Variants in MLKL observed in about 807,000 individuals in gnomAD.
MLKL encodes mixed lineage kinase domain like pseudokinase.
Under a neutral mutation model 56.5 loss-of-function variants are expected in MLKL, and 55 were observed. The ratio of observed to expected loss-of-function variants is 0.97; its 90% CI spans 0.78 to 1.22. The LOEUF (loss-of-function observed/expected upper bound fraction) is 1.22, where lower values mean the gene tolerates loss of function less well. MLKL is among the 50% of genes most tolerant of loss of function. The pLI is 0.00. For synonymous variants in MLKL, 251 were observed against 208.3 expected, an observed-to-expected ratio of 1.20 and a Z score of -1.76; for missense variants, 694 against 573.9, an observed-to-expected ratio of 1.21 and a Z score of -2.14.
At position 74,692,850 on chromosome 16, in the gene MLKL, T is replaced by C. The variant is rs529491782; in HGVS notation, c.461-434A>G. Reference sequence around the variant, plus strand: ...GTTTCTTTAGAACACTGAGTTGTTGTTTTTTAAACCACAGCATAATCAAAT... The same window carrying C: ...GTTTCTTTAGAACACTGAGTTGTTGCTTTTTAAACCACAGCATAATCAAAT... On this transcript the variant is annotated intron_variant, in intron 2 of 10. Transcript: ENST00000308807. Among the ~76,000 whole-genome samples the C allele has an allele frequency of 4.6e-5, 7 of 152,364 alleles. No individual in the cohort carries two copies. In the East Asian group the frequency reaches 1.3e-3, roughly 29 times the overall value.
intron 4 of MLKL, among the ~76,000 whole-genome samples, chr16:74,687,091 T>C (rs549511491): frequency 2.3e-4 from 35 of 152,260 alleles, no homozygotes; most frequent in Admixed American, 2.0e-4. Flanking sequence ...TTCTCCTGCC[T>C]CAGCCTCCCG....
At chr16:74,692,456 T>C in intron 2 of MLKL, 40 bp from the exon 3 acceptor site, 1 of 1,514,278 alleles carries the variant, frequency 6.6e-7, no homozygotes, top group Non-Finnish European at 9.0e-7. Context: ...AAATAGATAT[T>C]AAAATCACAC....
chr16:74,681,824 C>G (rs149855701), intron 6 of MLKL, among the ~76,000 whole-genome samples: 358 of 151,940 alleles, frequency 2.4e-3, no homozygotes, highest in African/African-American at 8.1e-3. Flanking sequence ...GAAAAAAACA[C>G]AAGACACTCC....
chr16:74,693,463 A>AAAAAG (rs749136044), intron 2 of MLKL, among the ~76,000 whole-genome samples: 2,862 of 100,644 alleles, frequency 0.028, 52 homozygotes, highest in Middle Eastern at 0.05. Flanking sequence ...CAAAAAAAAA[A>AAAAAG]AAAAAGAAAA....
At position 74,675,090 on chromosome 16, in the gene MLKL, A is replaced by T; in HGVS notation, c.1251T>A (p.Ser417=). The T allele has an allele frequency of 2.5e-6, 4 of 1,614,114 alleles. No individual in the cohort carries two copies. Among genetic ancestry groups the T allele is most frequent in the Non-Finnish European group, 1.7e-6 (2 of 1,180,026 alleles). ...TGDIPFQGCN[S]EKIRKLVAVK... ...CAGCCACCAGCTTGCGGATCTTCTC[A>T]GAATTACAGCCTGGAAATGATAGCA... The change falls in exon 10 of 11, where the codon TCT becomes TCA. Residue 417 remains serine, a synonymous_variant. Coordinates refer to ENST00000308807, the MANE Select transcript of MLKL (RefSeq NM_152649.4).
chr16:74,695,510 G>T lies in MLKL; in HGVS notation c.248C>A (p.Ser83Tyr). 6.2e-7 allele frequency: 1 copy of T among 1,614,158 alleles called. No homozygotes were observed. The highest frequency in any genetic ancestry group is 8.5e-7 in the Non-Finnish European group (1 of 1,180,038). ...NGEIEKFSNRSNICRFLTASQ... is the reference protein window; with the variant it reads ...NGEIEKFSNRYNICRFLTASQ... ...TGCTGTTAGAAACCTGCAGATATTG[G>T]ATCTATTGCTGAACTTTTCTATCTC... is the stretch of plus-strand genomic sequence containing the variant. The change falls in exon 2 of 11, where the codon TCC (serine) becomes TAC (tyrosine). Residue 83 changes from serine (S) to tyrosine (Y), a missense_variant. Ser to Tyr is a moderately radical substitution (Grantham distance 144, BLOSUM62 -2). Transcript: ENST00000308807.
chr16:74,695,221 C>T (rs1467442516), intron 2 of MLKL, 77 bp downstream of exon 2: 2 of 1,435,726 alleles, frequency 1.4e-6, no homozygotes, highest in Non-Finnish European at 1.9e-6. Flanking sequence ...TTCATCATTG[C>T]TGCTCCTTTG....
intron 6 of MLKL, among the ~76,000 whole-genome samples, chr16:74,682,251 A>C (rs1960024584): frequency 6.6e-6 from 1 of 152,226 alleles, no homozygotes; most frequent in Non-Finnish European, 1.5e-5. Context: ...CTGTCTCAAA[A>C]CATAAAATAA....
At chr16:74,697,179 C>T (rs892527411) in intron 1 of MLKL, among the ~76,000 whole-genome samples, 12 of 151,640 alleles carry the variant, frequency 7.9e-5, no homozygotes, top group African/African-American at 2.9e-4. Flanking sequence ...CTACTCTTAA[C>T]CTCTCTCTCT....
intron 4 of MLKL, among the ~76,000 whole-genome samples, chr16:74,690,690 G>A (rs8057864): frequency 0.16 from 24,354 of 148,948 alleles, 2,705 homozygotes; most frequent in East Asian, 0.44. Flanking sequence ...GCTGAGGTGT[G>A]AGGATTGCTG....
chr16:74,688,429 G>A (rs115695834), intron 4 of MLKL, among the ~76,000 whole-genome samples: 121 of 152,148 alleles, frequency 8.0e-4, no homozygotes, highest in African/African-American at 2.7e-3. Flanking sequence ...GAAAACACAG[G>A]AGGGCCAGGT....
At chr16:74,687,800 C>T (rs140932905) in intron 4 of MLKL, among the ~76,000 whole-genome samples, 45 of 152,090 alleles carry the variant, frequency 3.0e-4, no homozygotes, top group African/African-American at 1.0e-3. Context: ...TCCCAAGTAG[C>T]TGGGACTACA....
In MLKL at chr16:74,687,092, C is replaced by G. The variant is rs1960376465; in HGVS notation, c.723-1509G>C. ...CTGGGTTCAAGCAATTCTCCTGCCT[C>G]AGCCTCCCGAATAGCTGGGATTACA... On this transcript the variant is annotated intron_variant, in intron 4 of 10. Coordinates refer to ENST00000308807, the MANE Select transcript of MLKL (RefSeq NM_152649.4). 2.0e-5 allele frequency among the ~76,000 whole-genome samples: 3 copies of G among 152,130 alleles called. No homozygotes were observed. The South Asian group carries it at 6.2e-4, about 32-fold the overall frequency.
At chr16:74,680,361 T>A (rs374499507) in intron 6 of MLKL, among the ~76,000 whole-genome samples, 6 of 152,286 alleles carry the variant, frequency 3.9e-5, no homozygotes, top group African/African-American at 1.4e-4. Context: ...GCTAAGACAG[T>A]GTTTCCAAAA....
intron 9 of MLKL, 121 bp from the exon 10 acceptor site, chr16:74,675,221 G>A (rs762824404): frequency 5.2e-6 from 8 of 1,548,302 alleles, no homozygotes; most frequent in Middle Eastern, 1.8e-4. Flanking sequence ...AACTTCCAAC[G>A]ATTCCACTGA....
chr16:74,683,292 CAA>C (rs35354922), intron 5 of MLKL, among the ~76,000 whole-genome samples: 12 of 131,164 alleles, frequency 9.1e-5, no homozygotes, highest in African/African-American at 1.2e-4. Context: ...CACTACATCT[CAA>C]AAAAAAAAAA....
chr16:74,676,685 A>G (rs1302921768), intron 7 of MLKL: 2 of 158,438 alleles, frequency 1.3e-5, no homozygotes, highest in African/African-American at 4.8e-5. Flanking sequence ...AAGGCAAAAA[A>G]GGCCTGTCTG....
intron 2 of MLKL, among the ~76,000 whole-genome samples, chr16:74,694,449 A>G (rs1960897197): frequency 6.6e-6 from 1 of 152,102 alleles, no homozygotes. Flanking sequence ...TCTGTCGCCC[A>G]GGCTGCAGTG....
Position 74,672,425 on chromosome 16 carries a change from G to T in MLKL, c.*79C>A, listed in dbSNP as rs1959284950. 1.5e-6 allele frequency: 2 copies of T among 1,349,540 alleles called. No individual in the cohort carries two copies. The highest frequency in any genetic ancestry group is 1.8e-5 in the Admixed American group (1 of 56,460). 83.6% of individuals were successfully genotyped at this position (1,349,540 alleles called of 1,614,324 possible). A position where few individuals can be genotyped will look rare whatever the true frequency, so the allele number is the denominator to read the frequency against. On this transcript the variant is annotated 3_prime_UTR_variant, in exon 11 of 11. Coordinates refer to ENST00000308807, the MANE Select transcript of MLKL (RefSeq NM_152649.4). ...ACCCATAGATAACCCAATGCCGAAG[G>T]ATATGAGAGAGAGAGATGTCCAGTT...
Sources: allele counts gnomAD v4.1 joint callset (sites outside exome capture counted in the v4.1 genomes callset), GRCh38; gene constraint gnomAD v4.1.1; transcripts MANE v1.5; gene names NCBI Gene and HGNC (gene_info 2026-07-23, HGNC 2026-07-21).